Variants in CCSER1 observed in about 807,000 individuals in gnomAD.
CCSER1 encodes coiled-coil serine rich protein 1, also known as serine-rich coiled-coil domain-containing protein 1.
A neutral mutation model predicts 82.0 loss-of-function variants in CCSER1; 41 were observed. That is an observed-to-expected ratio of 0.50 (90% CI 0.39 to 0.65). The LOEUF is 0.65. Among genes scored for constraint, CCSER1 ranks in the 30% least tolerant of loss-of-function variants. CCSER1 has a pLI of 0.00. For missense variants in CCSER1, 1,119 were observed against 1,064.2 expected (o/e 1.05, Z -0.72); for synonymous variants, 414 against 383.9 (o/e 1.08, Z -0.92).
chr4:90,287,904 TAAAAC>T (rs1315080247), intron 1 of CCSER1, among the ~76,000 whole-genome samples: 1 of 151,778 alleles, frequency 6.6e-6, no homozygotes, highest in African/African-American at 2.4e-5. Context: ...TTCTCCCAGT[TAAAAC>T]AAATAGCAAA....
intron 8 of CCSER1, among the ~76,000 whole-genome samples, chr4:90,907,718 T>C (rs1450131994): frequency 1.3e-5 from 2 of 152,088 alleles, no homozygotes; most frequent in African/African-American, 2.4e-5. Context: ...TATCCTCACT[T>C]TTCTCTTTGT....
At chr4:90,303,549 G>A (rs1001018021) in intron 1 of CCSER1, among the ~76,000 whole-genome samples, 3 of 151,994 alleles carry the variant, frequency 2.0e-5, no homozygotes, top group Non-Finnish European at 4.4e-5. Flanking sequence ...AAGCAATGGG[G>A]AAAGGATTCC....
chr4:90,270,863 G>A (rs1267111368), intron 1 of CCSER1, among the ~76,000 whole-genome samples: 1 of 151,904 alleles, frequency 6.6e-6, no homozygotes, highest in Non-Finnish European at 1.5e-5. Flanking sequence ...ATCTGAAAAA[G>A]AAATCAAGAA....
At chr4:90,533,354 C>G (rs920962660) in intron 5 of CCSER1, among the ~76,000 whole-genome samples, 9 of 152,134 alleles carry the variant, frequency 5.9e-5, no homozygotes, top group Non-Finnish European at 1.3e-4. Flanking sequence ...CTTGGCCTCC[C>G]AAAGTGCTGG....
At chr4:90,623,612 A>G (rs911893710) in intron 5 of CCSER1, among the ~76,000 whole-genome samples, 1 of 152,212 alleles carries the variant, frequency 6.6e-6, no homozygotes, top group Admixed American at 6.5e-5. Context: ...ATTTTTATCT[A>G]AATGTAAATT....
At chr4:90,832,682 T>C (rs1367209212) in intron 8 of CCSER1, among the ~76,000 whole-genome samples, 1 of 152,202 alleles carries the variant, frequency 6.6e-6, no homozygotes, top group Non-Finnish European at 1.5e-5. Flanking sequence ...TAATTAGAAA[T>C]GTTTGACAAT....
chr4:90,975,867 A>G (rs1261553764), intron 9 of CCSER1, among the ~76,000 whole-genome samples: 2 of 151,398 alleles, frequency 1.3e-5, no homozygotes, highest in East Asian at 3.9e-4. Flanking sequence ...TAATTATTAT[A>G]AATTAGAATG....
At chr4:90,149,657 C>G (rs1444284575) in intron 1 of CCSER1, among the ~76,000 whole-genome samples, 1 of 152,102 alleles carries the variant, frequency 6.6e-6, no homozygotes, top group Non-Finnish European at 1.5e-5. Context: ...TTTGGAAAAA[C>G]TGTATATAAT....
intron 6 of CCSER1, among the ~76,000 whole-genome samples, chr4:90,713,035 G>A (rs1740947831): frequency 6.7e-6 from 1 of 149,896 alleles, no homozygotes; most frequent in African/African-American, 2.5e-5. Flanking sequence ...GCCTATGTTT[G>A]TCTTTGCACA....
chr4:90,167,367 T>A (rs1730668543), intron 1 of CCSER1, among the ~76,000 whole-genome samples: 1 of 152,176 alleles, frequency 6.6e-6, no homozygotes, highest in Admixed American at 6.6e-5. Context: ...AATAAAGTTG[T>A]ACATTTTCAT....
At chr4:90,267,535 C>T (rs1725463016) in intron 1 of CCSER1, among the ~76,000 whole-genome samples, 1 of 152,104 alleles carries the variant, frequency 6.6e-6, no homozygotes, top group Non-Finnish European at 1.5e-5. Flanking sequence ...TTGGAAAAGA[C>T]CCAGTGCTAT....
intron 10 of CCSER1, among the ~76,000 whole-genome samples, chr4:91,567,165 T>C (rs762848096): frequency 3.3e-5 from 5 of 152,212 alleles, no homozygotes; most frequent in Non-Finnish European, 5.9e-5. Context: ...GAGCATGTTG[T>C]TTAATTTCCA....
chr4:90,878,959 T>G (rs1430030769), intron 8 of CCSER1, among the ~76,000 whole-genome samples: 1 of 152,178 alleles, frequency 6.6e-6, no homozygotes, highest in Admixed American at 6.5e-5. Context: ...GAAATGTCCA[T>G]TTCATTTCCT....
chr4:91,358,333 A>ATTTTT (rs367984620), intron 10 of CCSER1, among the ~76,000 whole-genome samples: 49 of 132,644 alleles, frequency 3.7e-4, no homozygotes, highest in African/African-American at 1.4e-3. Flanking sequence ...TCTTTCTTGA[A>ATTTTT]TTTTTTTTTT....
chr4:91,554,421 A>G (rs1330403864), intron 10 of CCSER1, among the ~76,000 whole-genome samples: 1 of 151,258 alleles, frequency 6.6e-6, no homozygotes, highest in Non-Finnish European at 1.5e-5. Flanking sequence ...AACTGTCAAA[A>G]AAGAAGCTAA....
intron 5 of CCSER1, among the ~76,000 whole-genome samples, chr4:90,590,566 G>C (rs566869436): frequency 6.6e-6 from 1 of 151,676 alleles, no homozygotes; most frequent in South Asian, 2.1e-4. Flanking sequence ...GGCAAAAAGA[G>C]TGAAACTTGG....
rs570877960 is a variant in CCSER1 at position 91,439,312 on chromosome 4, G to T, written c.2218-159260G>T. ...CAGAAACTCTACAAGCCAGAAGAGA[G>T]TGGGGGCCAATATTCAACATTCTTA... On this transcript the variant is annotated intron_variant, in intron 10 of 10. Transcript: ENST00000509176. 6.6e-4 allele frequency among the ~76,000 whole-genome samples: 101 copies of T among 152,312 alleles called. 1 individual carries two copies. The South Asian group carries it at 0.021, about 31-fold the overall frequency.
intron 10 of CCSER1, among the ~76,000 whole-genome samples, chr4:91,236,459 G>A (rs1739017921): frequency 6.6e-6 from 1 of 152,030 alleles, no homozygotes; most frequent in African/African-American, 2.4e-5. Flanking sequence ...CTCCAGCCTG[G>A]GTGACAGAGC....
At chr4:91,231,155 A>C (rs1021874636) in intron 10 of CCSER1, among the ~76,000 whole-genome samples, 1 of 151,926 alleles carries the variant, frequency 6.6e-6, no homozygotes, top group Non-Finnish European at 1.5e-5. Context: ...GACGGTATTC[A>C]TTGTGGCATT....
Sources: allele counts gnomAD v4.1 joint callset (sites outside exome capture counted in the v4.1 genomes callset), GRCh38; gene constraint gnomAD v4.1.1; transcripts MANE v1.5; gene names NCBI Gene and HGNC (gene_info 2026-07-23, HGNC 2026-07-21).